Variants in DLG1 observed in about 807,000 individuals in gnomAD.
The protein encoded by DLG1 is disks large homolog 1.
Under a neutral mutation model 123.4 loss-of-function variants are expected in DLG1, and 42 were observed. That is an observed-to-expected ratio of 0.34 (90% CI 0.27 to 0.44). The LOEUF (loss-of-function observed/expected upper bound fraction) is 0.44, where lower values mean the gene tolerates loss of function less well. DLG1 is among the 20% of genes least tolerant of loss of function. DLG1 has a pLI of 1.00. For synonymous variants in DLG1, 317 were observed against 356.2 expected, an observed-to-expected ratio of 0.89 and a Z score of 1.24; for missense variants, 942 against 1,082.6, an observed-to-expected ratio of 0.87 and a Z score of 1.82.
intron 5 of DLG1, among the ~76,000 whole-genome samples, chr3:197,188,398 A>T (rs1561342121): frequency 6.6e-6 from 1 of 152,238 alleles, no homozygotes; most frequent in African/African-American, 2.4e-5. Flanking sequence ...TTCCGTAAAA[A>T]AATACTAATC....
At chr3:197,057,885 TG>T (rs1280408515) in intron 23 of DLG1, among the ~76,000 whole-genome samples, 1 of 152,222 alleles carries the variant, frequency 6.6e-6, no homozygotes, top group Non-Finnish European at 1.5e-5. Context: ...AGAACACTTT[TG>T]GCTTTGTTGA....
intron 5 of DLG1, chr3:197,161,592 T>A (rs1798783966): frequency 8.6e-7 from 1 of 1,162,060 alleles, no homozygotes; most frequent in South Asian, 1.8e-5. Context: ...AAATGAAACA[T>A]TAAAAGCAAA....
chr3:197,263,274 T>C (rs954191811), intron 4 of DLG1, among the ~76,000 whole-genome samples: 2 of 152,080 alleles, frequency 1.3e-5, no homozygotes, highest in African/African-American at 4.8e-5. Flanking sequence ...GACTTCATAA[T>C]AGAAAAGGCT....
intron 2 of DLG1, 151 bp from the exon 3 acceptor site, chr3:197,296,628 G>A: frequency 1.8e-6 from 1 of 561,576 alleles, no homozygotes. Flanking sequence ...ATATTCCTTA[G>A]AATGACCAAA....
chr3:197,289,682 T>C (rs1324407828), intron 3 of DLG1, among the ~76,000 whole-genome samples: 1 of 152,192 alleles, frequency 6.6e-6, no homozygotes, highest in African/African-American at 2.4e-5. Context: ...GCAGATGACA[T>C]ACTAAGATAA....
chr3:197,062,173 A>G (rs2148845919), intron 22 of DLG1, among the ~76,000 whole-genome samples: 1 of 152,284 alleles, frequency 6.6e-6, no homozygotes, highest in Middle Eastern at 3.4e-3. Context: ...CATTTAATAT[A>G]CCTACCCTAC....
At chr3:197,048,652 A>G (rs1341681821) in intron 24 of DLG1, among the ~76,000 whole-genome samples, 1 of 152,060 alleles carries the variant, frequency 6.6e-6, no homozygotes, top group Non-Finnish European at 1.5e-5. Context: ...TCAAGAAATT[A>G]TTATTACTAT....
chr3:197,067,175 A>G (rs1740185739), intron 19 of DLG1, among the ~76,000 whole-genome samples: 2 of 152,184 alleles, frequency 1.3e-5, no homozygotes, highest in South Asian at 4.1e-4. Flanking sequence ...TCCACCAACT[A>G]CAATACTGAA....
intron 14 of DLG1, among the ~76,000 whole-genome samples, chr3:197,101,720 TA>T (rs1763565846): frequency 6.6e-6 from 1 of 152,114 alleles, no homozygotes; most frequent in Non-Finnish European, 1.5e-5. Context: ...AAGTATGTGA[TA>T]AAACTTTATA....
At chr3:197,297,465 C>A in intron 1 of DLG1, 1 of 1,347,946 alleles carries the variant, frequency 7.4e-7, no homozygotes, top group South Asian at 1.6e-5. Context: ...CTTCCAAACT[C>A]TCCTCGAAAG....
chr3:197,294,877 T>G (rs942809186), intron 3 of DLG1, among the ~76,000 whole-genome samples: 2 of 152,180 alleles, frequency 1.3e-5, no homozygotes, highest in Non-Finnish European at 2.9e-5. Context: ...AAGAAAAGTC[T>G]GCAGTCTATC....
chr3:197,294,608 A>C (rs897906880), intron 3 of DLG1, among the ~76,000 whole-genome samples: 1 of 147,374 alleles, frequency 6.8e-6, no homozygotes, highest in African/African-American at 2.5e-5. Context: ...CAGTGAGCGG[A>C]GATCTCGCCA....
intron 4 of DLG1, among the ~76,000 whole-genome samples, chr3:197,201,540 A>G (rs1725746427): frequency 6.6e-6 from 1 of 152,242 alleles, no homozygotes; most frequent in Non-Finnish European, 1.5e-5. Flanking sequence ...ACACCCAATC[A>G]AGAAGGCAAT....
chr3:197,166,902 A>G (rs538355704), intron 5 of DLG1, among the ~76,000 whole-genome samples: 35 of 152,090 alleles, frequency 2.3e-4, no homozygotes, highest in Non-Finnish European at 4.4e-4. Flanking sequence ...CGGGGGGAAA[A>G]AAACCACAAC....
rs142364138 is a variant in DLG1, at chr3:197,280,965, C to A, written c.318+1714G>T. Among the ~76,000 whole-genome samples the A allele has an allele frequency of 6.0e-3, 909 of 151,282 alleles. 5 individuals are homozygous for A. Among genetic ancestry groups the A allele is most frequent in the South Asian group, 0.022 (104 of 4,796 alleles). On this transcript the variant is annotated intron_variant, in intron 4 of 24. Coordinates refer to ENST00000667157, the MANE Select transcript of DLG1 (RefSeq NM_001366207.1). ...TCTGGTAAGGGCCTTCTTGTTACAT[C>A]TCAACATGGCAGAAAGCAAAAAGTT...
At chr3:197,214,400 C>G (rs1454815725) in intron 4 of DLG1, among the ~76,000 whole-genome samples, 1 of 151,950 alleles carries the variant, frequency 6.6e-6, no homozygotes, top group African/African-American at 2.4e-5. Context: ...CGGTGAAACC[C>G]CGTCTCTACT....
intron 4 of DLG1, among the ~76,000 whole-genome samples, chr3:197,270,857 C>T (rs1763635018): frequency 6.6e-6 from 1 of 152,154 alleles, no homozygotes; most frequent in Non-Finnish European, 1.5e-5. Context: ...GTCTCATCAA[C>T]CTTTACACCT....
intron 23 of DLG1, among the ~76,000 whole-genome samples, chr3:197,052,145 T>G (rs1728254421): frequency 6.6e-6 from 1 of 152,196 alleles, no homozygotes; most frequent in South Asian, 2.1e-4. Flanking sequence ...CCAGCCTGTT[T>G]CTGGGATTTT....
At chr3:197,239,076 CT>C (rs1162651814) in intron 4 of DLG1, among the ~76,000 whole-genome samples, 1 of 151,828 alleles carries the variant, frequency 6.6e-6, no homozygotes, top group Non-Finnish European at 1.5e-5. Context: ...AAACACAAAC[CT>C]TTAACTATAT....
Sources: gnomAD v4.1 joint callset for allele counts (sites outside exome capture counted in the v4.1 genomes callset) on GRCh38, gnomAD v4.1.1 for gene constraint, MANE v1.5 for transcripts, NCBI Gene and HGNC (gene_info 2026-07-23, HGNC 2026-07-21) for gene names.